The following HYDIN variants were observed in gnomAD, a reference collection of about 807,000 sequenced individuals.
HYDIN encodes the protein HYDIN axonemal central pair apparatus protein, also known as axonemal central pair apparatus protein HYDIN.
In HYDIN, 132 loss-of-function variants were observed where a neutral mutation model predicts 403.9. The observed-to-expected ratio is 0.33, with a 90% CI of 0.28 to 0.38. The LOEUF is 0.38. Among genes scored for constraint, HYDIN ranks in the 10% least tolerant of loss-of-function variants. The pLI is 1.00. For missense variants in HYDIN, 2,827 were observed against 5,009.5 expected (o/e 0.56, Z 13.15); for synonymous variants, 1,202 against 1,891.7 (o/e 0.64, Z 9.46).
chr16:71,011,302 C>A (rs1234546540), intron 23 of HYDIN, among the ~76,000 whole-genome samples: 1 of 152,186 alleles, frequency 6.6e-6, no homozygotes, highest in Non-Finnish European at 1.5e-5. Context: ...AAGTCAACTG[C>A]AGCACAAGGT....
At chr16:71,192,196 C>T (rs2087470580) in intron 1 of HYDIN, among the ~76,000 whole-genome samples, 1 of 152,258 alleles carries the variant, frequency 6.6e-6, no homozygotes, top group Admixed American at 6.5e-5. Context: ...CTGCCCTCAC[C>T]TTGCTTGTGA....
In HYDIN at chr16:70,943,644, G is replaced by A. The variant is rs550141152; in HGVS notation, c.6669+168C>T. ...GGTGAATGGCTTCAGGCTGTAGACC[G>A]GGCCAGGGTCAGGGGTCGACAAGAG... On this transcript the variant is annotated intron_variant, in intron 42 of 85. Coordinates refer to ENST00000393567, the MANE Select transcript of HYDIN (RefSeq NM_001270974.2). 1.2e-4 allele frequency among the ~76,000 whole-genome samples: 19 copies of A among 152,310 alleles called. 1 individual carries two copies. The highest frequency in any genetic ancestry group is 3.9e-4 in the East Asian group (2 of 5,178).
At chr16:70,943,165 T>C (rs2077735703) in intron 42 of HYDIN, among the ~76,000 whole-genome samples, 1 of 152,166 alleles carries the variant, frequency 6.6e-6, no homozygotes, top group Admixed American at 6.5e-5. Context: ...GCTTAAGTGA[T>C]ACCCTCCTCA....
At chr16:71,015,607 T>A (rs2080230826) in intron 23 of HYDIN, among the ~76,000 whole-genome samples, 1 of 151,952 alleles carries the variant, frequency 6.6e-6, no homozygotes, top group South Asian at 2.1e-4. Flanking sequence ...CAGACTCCAA[T>A]GCTCAGGCCC....
At chr16:71,105,546 T>G (rs1042860193) in intron 10 of HYDIN, among the ~76,000 whole-genome samples, 28 of 92,750 alleles carry the variant, frequency 3.0e-4, no homozygotes, top group Non-Finnish European at 5.4e-4. Context: ...AATTCAAAAT[T>G]TTCCCTTTTA....
rs543925506 is a variant in HYDIN, at chr16:70,868,706, C to T, written c.11174G>A (p.Arg3725Gln). ...SDVPINLKNM[R>Q]IRCKLSRIMF... ...AATCCTGGAGAGCTTGCACCTGATC[C>T]GCATATTCTTTAGGTTGATGGGTAC... The change falls in exon 66 of 86, where the codon CGG becomes CAG. Residue 3725 changes from arginine to glutamine, a missense_variant. By Grantham distance (43) the Arg-to-Gln change is conservative. Transcript: ENST00000393567. The T allele has an allele frequency of 2.3e-4, 376 of 1,613,538 alleles. No homozygotes were observed. The highest frequency in any genetic ancestry group is 2.8e-4 in the Non-Finnish European group (335 of 1,180,006).
intron 1 of HYDIN, among the ~76,000 whole-genome samples, chr16:71,195,286 G>C (rs918719365): frequency 1.3e-5 from 2 of 151,548 alleles, no homozygotes; most frequent in East Asian, 3.9e-4. Flanking sequence ...AAAAACTAAA[G>C]CGAAAGGAAT....
At chr16:70,998,633 A>ATCCT (rs2079605528) in intron 23 of HYDIN, among the ~76,000 whole-genome samples, 1 of 135,666 alleles carries the variant, frequency 7.4e-6, no homozygotes, top group African/African-American at 3.3e-5. Context: ...CCTCTCATCC[A>ATCCT]TCCTTCCTTC....
At chr16:71,196,210 G>A (rs1378784064) in intron 1 of HYDIN, among the ~76,000 whole-genome samples, 5 of 152,170 alleles carry the variant, frequency 3.3e-5, no homozygotes, top group Admixed American at 6.5e-5. Context: ...ACTGGGACAC[G>A]AGATGCCCAG....
intron 18 of HYDIN, among the ~76,000 whole-genome samples, chr16:71,034,035 G>A (rs1352888314): frequency 7.9e-5 from 12 of 152,002 alleles, no homozygotes; most frequent in Admixed American, 7.9e-4. Flanking sequence ...AAAAGAGTTT[G>A]ATTATTCCTT....
chr16:70,908,561 G>T, intron 48 of HYDIN, 92 bp downstream of exon 48: 9 of 1,518,744 alleles, frequency 5.9e-6, no homozygotes, highest in Non-Finnish European at 8.0e-6. Flanking sequence ...CCACAGACAG[G>T]ACAGCTCTGT....
chr16:71,038,674 CT>C (rs1243149801), intron 18 of HYDIN, among the ~76,000 whole-genome samples: 46 of 152,270 alleles, frequency 3.0e-4, no homozygotes, highest in Non-Finnish European at 5.0e-4. Flanking sequence ...AAAAAAATTT[CT>C]TTTGAGAAGA....
intron 78 of HYDIN, among the ~76,000 whole-genome samples, chr16:70,834,980 A>ATATATATATACACACATATATGTGTGTG (rs1555539572): frequency 7.8e-6 from 1 of 128,638 alleles, no homozygotes; most frequent in African/African-American, 4.2e-5. Flanking sequence ...ATGTGTGTAT[A>ATATATATATACACACATATATGTGTGTG]TATATATATA....
intron 1 of HYDIN, among the ~76,000 whole-genome samples, chr16:71,190,022 A>T (rs1269900474): frequency 6.6e-6 from 1 of 152,196 alleles, no homozygotes; most frequent in Non-Finnish European, 1.5e-5. Context: ...TAACATTTAA[A>T]TTGAAAATAA....
chr16:71,077,614 C>T (rs1364996706), intron 13 of HYDIN, among the ~76,000 whole-genome samples: 2 of 151,742 alleles, frequency 1.3e-5, no homozygotes, highest in Admixed American at 1.3e-4. Context: ...ATCACAATGG[C>T]TTGGACCTCC....
At chr16:71,177,811 A>C (rs2086731632) in intron 4 of HYDIN, among the ~76,000 whole-genome samples, 1 of 152,312 alleles carries the variant, frequency 6.6e-6, no homozygotes, top group South Asian at 2.1e-4. Context: ...GAACTTCTGC[A>C]TTACTTTCTT....
chr16:71,038,016 T>TA (rs1272110362), intron 18 of HYDIN, among the ~76,000 whole-genome samples: 8 of 152,346 alleles, frequency 5.3e-5, no homozygotes, highest in Middle Eastern at 3.4e-3. Flanking sequence ...TGAGCCTTCC[T>TA]AAGCTTTCCA....
At chr16:70,972,945 C>T (rs1228560174) in intron 35 of HYDIN, among the ~76,000 whole-genome samples, 2 of 152,210 alleles carry the variant, frequency 1.3e-5, no homozygotes, top group Non-Finnish European at 2.9e-5. Flanking sequence ...CTTATGAAAT[C>T]TCAAACCCCC....
chr16:70,934,868 C>G lies in HYDIN; in HGVS notation c.7158+1084G>C, dbSNP rs373554595. ...CACATGCTCCTACTTAAAACAGATTCCAGATGGAGACACCAGTGATGGAGT... is the reference window on the plus strand; with the variant it reads ...CACATGCTCCTACTTAAAACAGATTGCAGATGGAGACACCAGTGATGGAGT... On this transcript the variant is annotated intron_variant, in intron 45 of 85. Coordinates refer to ENST00000393567, the MANE Select transcript of HYDIN (RefSeq NM_001270974.2). Among the ~76,000 whole-genome samples, 8 of 152,152 alleles carry G rather than the reference C, an allele frequency of 5.3e-5. No individual in the cohort carries two copies. In the East Asian group the frequency reaches 1.5e-3, roughly 29 times the overall value.
Sources: allele counts gnomAD v4.1 joint callset (sites outside exome capture counted in the v4.1 genomes callset), GRCh38; gene constraint gnomAD v4.1.1; transcripts MANE v1.5; gene names NCBI Gene and HGNC (gene_info 2026-07-23, HGNC 2026-07-21).